The following CDIP1 variants were observed in gnomAD, a reference collection of about 807,000 sequenced individuals.
The protein encoded by CDIP1 is cell death inducing p53 target 1, also known as cell death-inducing p53-target protein 1.
Under a neutral mutation model 17.7 loss-of-function variants are expected in CDIP1, and 9 were observed. That is an observed-to-expected ratio of 0.51 (90% CI 0.31 to 0.89). The LOEUF (loss-of-function observed/expected upper bound fraction) is 0.89, where lower values mean the gene tolerates loss of function less well. Ranked by LOEUF, CDIP1 falls within the 40% of genes least tolerant of loss-of-function variation. The pLI, the probability that CDIP1 is intolerant of heterozygous loss-of-function variation, is 0.05. For synonymous variants in CDIP1, 117 were observed against 109.5 expected, an observed-to-expected ratio of 1.07 and a Z score of -0.43; for missense variants, 263 against 277.9, an observed-to-expected ratio of 0.95 and a Z score of 0.38.
chr16:4,535,977 G>T (rs74005351), intron 1 of CDIP1, among the ~76,000 whole-genome samples: 2 of 152,146 alleles, frequency 1.3e-5, no homozygotes, highest in South Asian at 4.1e-4. Context: ...AAGTCCCCTC[G>T]TGGGGGAAAG....
intron 1 of CDIP1, among the ~76,000 whole-genome samples, chr16:4,537,776 G>A (rs150157327): frequency 0.011 from 1,638 of 152,294 alleles, 33 homozygotes; most frequent in African/African-American, 0.038. Context: ...ACCTTTGGAG[G>A]AACTCACAGC....
chr16:4,512,738 C>T lies in CDIP1; in HGVS notation c.515+53G>A, dbSNP rs1164169292. The T allele has an allele frequency of 2.5e-6, 4 of 1,604,464 alleles. No homozygotes were observed. Among genetic ancestry groups the T allele is most frequent in the African/African-American group, 1.3e-5 (1 of 74,784 alleles). On this transcript the variant is annotated intron_variant, in intron 5 of 5. Coordinates refer to ENST00000567695, the MANE Select transcript of CDIP1 (RefSeq NM_013399.3). This position sits in a 1 kb window ranked among gnomAD's most constrained non-coding sequence, Gnocchi z 4.6. ...AGGCCTGCTGCGGAGGAGGCAGAGG[C>T]AGCCAGTTGACCCTGGTGCAGCCCC...
chr16:4,515,722 ATC>A (rs1345614711), intron 1 of CDIP1, among the ~76,000 whole-genome samples: 6 of 152,358 alleles, frequency 3.9e-5, no homozygotes, highest in African/African-American at 1.4e-4. Flanking sequence ...ACCATTTCCT[ATC>A]TACTAGGATG....
At position 4,514,261 on chromosome 16, in the gene CDIP1, C is replaced by A; in HGVS notation, c.-14-117G>T. ...GGCGTGTGACCATCCTCAGAAGGGT[C>A]TGCCTCCAGGCACTGGGGATCCCCC... On this transcript the variant is annotated intron_variant, in intron 2 of 5. Coordinates refer to ENST00000567695, the MANE Select transcript of CDIP1 (RefSeq NM_013399.3). This position sits in a 1 kb window ranked among gnomAD's most constrained non-coding sequence, Gnocchi z 5.2. The A allele has an allele frequency of 1.6e-6, 1 of 614,986 alleles. No individual in the cohort carries two copies. Among genetic ancestry groups the A allele is most frequent in the South Asian group, 2.2e-5 (1 of 45,724 alleles). The allele number at this position is 614,986 out of a possible 1,614,324, so 38.1% of individuals were successfully genotyped here.
chr16:4,529,385 C>A (rs892370751), intron 1 of CDIP1, among the ~76,000 whole-genome samples: 1 of 152,218 alleles, frequency 6.6e-6, no homozygotes, highest in African/African-American at 2.4e-5. Context: ...GAGGACACAG[C>A]CCCGGCCTCC....
At chr16:4,532,828 G>A (rs1270578650) in intron 1 of CDIP1, 1 of 152,238 alleles carries the variant, frequency 6.6e-6, no homozygotes, top group Non-Finnish European at 1.5e-5. Flanking sequence ...TGACCATGCT[G>A]GGGACAGAAA....
intron 1 of CDIP1, among the ~76,000 whole-genome samples, chr16:4,534,235 G>C (rs191205486): frequency 7.4e-4 from 113 of 152,156 alleles, no homozygotes; most frequent in African/African-American, 2.6e-3. Context: ...ACAGCCATGA[G>C]CCACCGCACC....
intron 1 of CDIP1, among the ~76,000 whole-genome samples, chr16:4,530,712 A>C (rs2059047746): frequency 6.6e-6 from 1 of 152,114 alleles, no homozygotes; most frequent in African/African-American, 2.4e-5. Flanking sequence ...ACTGTGGCTC[A>C]GGACTGTAAT....
intron 1 of CDIP1, among the ~76,000 whole-genome samples, chr16:4,519,203 A>G (rs2058919268): frequency 6.6e-6 from 1 of 152,208 alleles, no homozygotes; most frequent in Non-Finnish European, 1.5e-5. Flanking sequence ...GGTGTGGAGA[A>G]AAAACCTGTT....
At position 4,512,023 on chromosome 16, in the gene CDIP1, C is replaced by G. The variant is rs1307730082; in HGVS notation, c.*549G>C. 6.3e-6 allele frequency: 1 copy of G among 158,804 alleles called. No homozygotes were observed. The highest frequency in any genetic ancestry group is 1.4e-5 in the Non-Finnish European group (1 of 71,616). The allele number at this position is 158,804 out of a possible 1,614,324, so 9.8% of individuals were successfully genotyped here. On this transcript the variant is annotated 3_prime_UTR_variant, in exon 6 of 6. Transcript: ENST00000567695. This position sits in a 1 kb window ranked among gnomAD's most constrained non-coding sequence, Gnocchi z 4.6. Reference sequence around the variant, plus strand: ...AGGGCCAGAGTTGGCAGTTTTACTTCCAGCCACCATGCCCCACCTCTAGCA... The same window carrying G: ...AGGGCCAGAGTTGGCAGTTTTACTTGCAGCCACCATGCCCCACCTCTAGCA...
chr16:4,512,993 A>G lies in CDIP1; in HGVS notation c.313T>C (p.Tyr105His). The change falls in exon 5 of 6, where the codon TAC becomes CAC. Residue 105 changes from tyrosine to histidine, a missense_variant. Tyr to His is a moderately conservative substitution (Grantham distance 83). Transcript: ENST00000567695. The surrounding 1 kb of genome is among the most constrained non-coding windows in gnomAD (Gnocchi z 4.6). ...GCTGTGTGGCCCCCAGGGCCAGGGT[A>G]GGGCCCTGGCGTGTAGGGCCCTGGG... is the stretch of plus-strand genomic sequence containing the variant. ...YPPGPYTPGP[Y>H]PGPGGHTATV... The G allele has an allele frequency of 6.3e-7, 1 of 1,589,622 alleles. No individual in the cohort carries two copies. Among genetic ancestry groups the G allele is most frequent in the Non-Finnish European group, 8.6e-7 (1 of 1,169,124 alleles).
intron 1 of CDIP1, among the ~76,000 whole-genome samples, chr16:4,521,733 C>G (rs964809859): frequency 6.7e-6 from 1 of 149,756 alleles, no homozygotes; most frequent in East Asian, 1.9e-4. Context: ...GGCGGGGGGG[C>G]CCGCTCTGCA....
chr16:4,537,761 A>G (rs1193732959), intron 1 of CDIP1, among the ~76,000 whole-genome samples: 1 of 152,212 alleles, frequency 6.6e-6, no homozygotes, highest in Admixed American at 6.5e-5. Context: ...GAGGATCTTG[A>G]GCCCACCTTT....
In CDIP1 at chr16:4,513,637, G is replaced by C; in HGVS notation, c.241+59C>G. 1 of 1,491,586 alleles carries C rather than the reference G, an allele frequency of 6.7e-7. No individual in the cohort carries two copies. The highest frequency in any genetic ancestry group is 9.3e-7 in the Non-Finnish European group (1 of 1,080,614). The allele number at this position is 1,491,586 out of a possible 1,614,324, so 92.4% of individuals were successfully genotyped here. A position where few individuals can be genotyped will look rare whatever the true frequency, so the allele number is the denominator to read the frequency against. ...CCCACCTGTACTGAGGACAGCCAGC[G>C]CAGGCCAGACAGCAGCCAGGAGTTC... is the stretch of plus-strand genomic sequence containing the variant. On this transcript the variant is annotated intron_variant, in intron 4 of 5. Transcript: ENST00000567695. This position sits in a 1 kb window ranked among gnomAD's most constrained non-coding sequence, Gnocchi z 4.1.
At chr16:4,531,730 C>T (rs755880768) in intron 1 of CDIP1, among the ~76,000 whole-genome samples, 3 of 152,358 alleles carry the variant, frequency 2.0e-5, no homozygotes, top group East Asian at 1.9e-4. Flanking sequence ...TTCCACATCA[C>T]TGTCAGCCCT....
chr16:4,514,419 G>A lies in CDIP1; in HGVS notation c.-15+156C>T, dbSNP rs1411592817. On this transcript the variant is annotated intron_variant, in intron 2 of 5. Coordinates refer to ENST00000567695, the MANE Select transcript of CDIP1 (RefSeq NM_013399.3). The surrounding 1 kb of genome is among the most constrained non-coding windows in gnomAD (Gnocchi z 5.2). ...GGCCCAGTGAGGTAAAGTCCCCCAA[G>A]GAGCCTAACTCAGCACTTGCCCCAC... is the stretch of plus-strand genomic sequence containing the variant. Among the ~76,000 whole-genome samples the A allele has an allele frequency of 2.6e-5, 4 of 152,204 alleles. No individual in the cohort carries two copies. The highest frequency in any genetic ancestry group is 5.9e-5 in the Non-Finnish European group (4 of 68,050).
At chr16:4,519,624 A>G (rs12446765) in intron 1 of CDIP1, among the ~76,000 whole-genome samples, 16,715 of 152,164 alleles carry the variant, frequency 0.11, 1,872 homozygotes, top group African/African-American at 0.28. Flanking sequence ...CACAGTTTTG[A>G]TGACTGATGG....
In CDIP1 at chr16:4,513,605, G is replaced by A. The variant is rs950142673; in HGVS notation, c.241+91C>T. 5 of 1,159,918 alleles carry A rather than the reference G, an allele frequency of 4.3e-6. No individual in the cohort carries two copies. Among genetic ancestry groups the A allele is most frequent in the Non-Finnish European group, 5.0e-6 (4 of 796,802 alleles). The allele number at this position is 1,159,918 out of a possible 1,614,324, so 71.9% of individuals were successfully genotyped here. A position where few individuals can be genotyped will look rare whatever the true frequency, so the allele number is the denominator to read the frequency against. ...GGCGTGTTGGAGTCCCTGCCCTACA[G>A]CAGATGCCCACCTGTACTGAGGACA... On this transcript the variant is annotated intron_variant, in intron 4 of 5. Transcript: ENST00000567695. The surrounding 1 kb of genome is among the most constrained non-coding windows in gnomAD (Gnocchi z 4.1).
chr16:4,517,841 C>T (rs1312953304), intron 1 of CDIP1, among the ~76,000 whole-genome samples: 1 of 152,056 alleles, frequency 6.6e-6, no homozygotes, highest in East Asian at 1.9e-4. Flanking sequence ...CTGCCAGGTG[C>T]CCTCCTGCAG....
Sources: gnomAD v4.1 joint callset for allele counts (sites outside exome capture counted in the v4.1 genomes callset) on GRCh38, gnomAD v4.1.1 for gene constraint, Gnocchi (gnomAD v3.1) non-coding constraint, MANE v1.5 for transcripts, NCBI Gene and HGNC (gene_info 2026-07-23, HGNC 2026-07-21) for gene names.